The following RALYL variants were observed in gnomAD, a reference collection of about 807,000 sequenced individuals.
RALYL encodes RALY RNA binding protein like.
Under a neutral mutation model 35.1 loss-of-function variants are expected in RALYL, and 29 were observed. The ratio of observed to expected loss-of-function variants is 0.83; its 90% CI spans 0.61 to 1.13. The LOEUF is 1.13. Ranked by LOEUF, RALYL falls within the 50% of genes most tolerant of loss-of-function variation. The pLI, the probability that RALYL is intolerant of heterozygous loss-of-function variation, is 0.00. For missense variants in RALYL, 359 were observed against 360.4 expected (o/e 1.00, Z 0.03); for synonymous variants, 120 against 127.6 (o/e 0.94, Z 0.40).
chr8:84,688,079 A>T (rs1318974332), intron 2 of RALYL, among the ~76,000 whole-genome samples: 1 of 151,954 alleles, frequency 6.6e-6, no homozygotes, highest in Non-Finnish European at 1.5e-5. Flanking sequence ...TCCTCCCCCA[A>T]TTGCCATTGA....
chr8:84,488,992 G>T (rs1030673045), intron 1 of RALYL, among the ~76,000 whole-genome samples: 3 of 152,076 alleles, frequency 2.0e-5, no homozygotes, highest in Non-Finnish European at 4.4e-5. Flanking sequence ...GCCATGTAAA[G>T]ATTGAATAAG....
At chr8:84,894,684 A>G (rs1440953142) in intron 8 of RALYL, among the ~76,000 whole-genome samples, 3 of 152,192 alleles carry the variant, frequency 2.0e-5, no homozygotes, top group Admixed American at 2.0e-4. Context: ...TGTAATAAGC[A>G]GGTATCTCTG....
At chr8:84,907,786 C>G (rs1235054552) in intron 8 of RALYL, among the ~76,000 whole-genome samples, 2 of 151,878 alleles carry the variant, frequency 1.3e-5, no homozygotes, top group African/African-American at 4.8e-5. Context: ...TTAGTTCACT[C>G]TAATAAATGA....
intron 2 of RALYL, among the ~76,000 whole-genome samples, chr8:84,621,339 G>T (rs1024597928): frequency 2.0e-5 from 3 of 152,148 alleles, no homozygotes; most frequent in African/African-American, 7.2e-5. Context: ...GCAGTATTCG[G>T]GTGGGAGCCA....
At chr8:84,642,375 A>G (rs1826554632) in intron 2 of RALYL, among the ~76,000 whole-genome samples, 1 of 127,608 alleles carries the variant, frequency 7.8e-6, no homozygotes, top group East Asian at 1.9e-4. Flanking sequence ...AAACTTGAGA[A>G]AAAAAACTCT....
At chr8:84,637,361 T>G (rs1270422602) in intron 2 of RALYL, among the ~76,000 whole-genome samples, 1 of 151,842 alleles carries the variant, frequency 6.6e-6, no homozygotes, top group Non-Finnish European at 1.5e-5. Flanking sequence ...GTAGTAGTAA[T>G]AGTAGTGAAT....
rs1186674467 is a variant in RALYL, at chr8:84,913,021, T to TA, written c.859-7873_859-7872insA. Among the ~76,000 whole-genome samples the TA allele has an allele frequency of 2.9e-3, 392 of 137,380 alleles. 1 individual carries two copies. The highest frequency in any genetic ancestry group is 0.01 in the African/African-American group (345 of 34,464). 90.1% of individuals were successfully genotyped at this position (137,380 alleles called of 152,430 possible). ...ATGGATGGATGGATGGATGGATGGATGGATGGATGGATAGGTAGGTAGATA... is the reference window on the plus strand; with the variant it reads ...ATGGATGGATGGATGGATGGATGGATAGGATGGATGGATAGGTAGGTAGATA... On this transcript the variant is annotated intron_variant, in intron 8 of 8. Coordinates refer to ENST00000521268, the MANE Select transcript of RALYL (RefSeq NM_173848.7).
At position 84,377,467 on chromosome 8, in the gene RALYL, T is replaced by TG. The variant is rs1231251094; in HGVS notation, c.-23-151832_-23-151831insG. Among the ~76,000 whole-genome samples, 710 of 142,466 alleles carry TG rather than the reference T, an allele frequency of 5.0e-3. 8 individuals carry two copies. Among genetic ancestry groups the TG allele is most frequent in the African/African-American group, 0.019 (648 of 34,672 alleles). The allele number at this position is 142,466 out of a possible 152,430, so 93.5% of individuals were successfully genotyped here. ...AGGTTAACTGTTTTTTTTTTTTTTT[T>TG]TTTTTTTTCTTAAACTGATCCCATG... On this transcript the variant is annotated intron_variant, in intron 1 of 8. Coordinates refer to ENST00000521268, the MANE Select transcript of RALYL (RefSeq NM_173848.7).
chr8:84,866,916 AATG>A (rs1227179634), intron 6 of RALYL, among the ~76,000 whole-genome samples: 1 of 152,182 alleles, frequency 6.6e-6, no homozygotes, highest in Non-Finnish European at 1.5e-5. Flanking sequence ...ACCTGCTCAA[AATG>A]ATATTTTAGG....
At chr8:84,842,772 G>C (rs1288680199) in intron 4 of RALYL, among the ~76,000 whole-genome samples, 6 of 152,112 alleles carry the variant, frequency 3.9e-5, no homozygotes, top group Admixed American at 3.9e-4. Context: ...TATCCACCAT[G>C]ATCAAGTGGG....
chr8:84,249,126 T>C (rs762324887), intron 1 of RALYL, among the ~76,000 whole-genome samples: 4 of 152,246 alleles, frequency 2.6e-5, no homozygotes, highest in Non-Finnish European at 5.9e-5. Flanking sequence ...AATATTGGAA[T>C]TATTTAAAAT....
intron 2 of RALYL, among the ~76,000 whole-genome samples, chr8:84,549,723 G>T (rs2135407748): frequency 6.6e-6 from 1 of 152,316 alleles, no homozygotes; most frequent in South Asian, 2.1e-4. Flanking sequence ...TTCAGAGACT[G>T]CAGTGCCCTG....
intron 2 of RALYL, among the ~76,000 whole-genome samples, chr8:84,732,565 T>A (rs940265677): frequency 6.6e-6 from 1 of 151,312 alleles, no homozygotes; most frequent in African/African-American, 2.4e-5. Context: ...AGTACAAATT[T>A]AAGAAATATA....
chr8:84,335,323 A>G (rs1847574011), intron 1 of RALYL, among the ~76,000 whole-genome samples: 1 of 152,130 alleles, frequency 6.6e-6, no homozygotes, highest in Admixed American at 6.6e-5. Context: ...TCCCAGATGA[A>G]GCTGTCTCAG....
At chr8:84,470,744 C>T (rs1250660504) in intron 1 of RALYL, among the ~76,000 whole-genome samples, 1 of 152,256 alleles carries the variant, frequency 6.6e-6, no homozygotes, top group East Asian at 1.9e-4. Context: ...CCAGAGCCTG[C>T]CTCTTTAAAT....
At chr8:84,439,619 T>A (rs150267221) in intron 1 of RALYL, among the ~76,000 whole-genome samples, 290 of 152,252 alleles carry the variant, frequency 1.9e-3, no homozygotes, top group African/African-American at 6.8e-3. Flanking sequence ...GTCATGGAGA[T>A]TAGCTTAATT....
chr8:84,735,421 T>A (rs1305095110), intron 2 of RALYL, among the ~76,000 whole-genome samples: 4 of 152,034 alleles, frequency 2.6e-5, no homozygotes, highest in Non-Finnish European at 4.4e-5. Context: ...ATTCTACAAA[T>A]TCTATTATGC....
At chr8:84,743,560 A>G (rs1807879443) in intron 2 of RALYL, among the ~76,000 whole-genome samples, 1 of 152,068 alleles carries the variant, frequency 6.6e-6, no homozygotes, top group East Asian at 1.9e-4. Context: ...CTAGGGAGTT[A>G]CTGAATACAG....
intron 1 of RALYL, among the ~76,000 whole-genome samples, chr8:84,478,982 A>C (rs1277628217): frequency 1.4e-5 from 2 of 139,766 alleles, no homozygotes; most frequent in Non-Finnish European, 3.1e-5. Context: ...GCTACTCGGG[A>C]GGCTGAGGCA....
Sources: allele counts gnomAD v4.1 joint callset (sites outside exome capture counted in the v4.1 genomes callset), GRCh38; gene constraint gnomAD v4.1.1; transcripts MANE v1.5; gene names NCBI Gene and HGNC (gene_info 2026-07-23, HGNC 2026-07-21).